Variants in GAS7 observed in about 807,000 individuals in gnomAD.
GAS7 encodes growth arrest-specific protein 7.
GAS7 carries 28 observed loss-of-function variants against 71.1 expected under a neutral mutation model. The observed-to-expected ratio is 0.39, with a 90% confidence interval of 0.29 to 0.54. GAS7 has a LOEUF of 0.54. Ranked by LOEUF, GAS7 falls within the 20% of genes least tolerant of loss-of-function variation. The pLI, the probability that GAS7 is intolerant of heterozygous loss-of-function variation, is 0.62. For missense variants in GAS7, 436 were observed against 627.8 expected, an observed-to-expected ratio of 0.69 and a Z score of 3.27; for synonymous variants, 258 against 245.8, an observed-to-expected ratio of 1.05 and a Z score of -0.46.
intron 6 of GAS7, 113 bp downstream of exon 6, chr17:9,946,781 G>A (rs1001820804): frequency 2.2e-5 from 14 of 643,168 alleles, no homozygotes; most frequent in African/African-American, 3.7e-5. Flanking sequence ...AGCCCTTCAC[G>A]CTCCAACGAG....
chr17:9,997,083 T>C (rs2071076678), intron 2 of GAS7, among the ~76,000 whole-genome samples: 1 of 151,990 alleles, frequency 6.6e-6, no homozygotes, highest in Admixed American at 6.6e-5. Context: ...TAGTTTAGCG[T>C]ATGGTAAAGA....
chr17:10,002,532 G>A (rs1264156472), intron 2 of GAS7, among the ~76,000 whole-genome samples: 2 of 152,046 alleles, frequency 1.3e-5, no homozygotes, highest in African/African-American at 4.8e-5. Context: ...TTTACATTAG[G>A]TATATCTCCT....
intron 1 of GAS7, chr17:10,039,616 G>C (rs2072823876): frequency 2.8e-6 from 1 of 362,642 alleles, no homozygotes; most frequent in Non-Finnish European, 5.5e-6. Flanking sequence ...CCGGGAGGCA[G>C]AGGTTGTAGT....
intron 2 of GAS7, among the ~76,000 whole-genome samples, chr17:10,000,086 A>T (rs78987679): frequency 0.034 from 5,161 of 152,294 alleles, 119 homozygotes; most frequent in East Asian, 0.072. Context: ...TCTGTTTCAT[A>T]GACTTGGTCT....
intron 1 of GAS7, among the ~76,000 whole-genome samples, chr17:10,032,057 G>A (rs1317344916): frequency 6.6e-6 from 1 of 150,558 alleles, no homozygotes; most frequent in African/African-American, 2.4e-5. Context: ...GAAATAACAA[G>A]GGAAGCAGGG....
At chr17:9,942,710 G>A (rs1002765224) in intron 7 of GAS7, among the ~76,000 whole-genome samples, 17 of 152,098 alleles carry the variant, frequency 1.1e-4, no homozygotes, top group Non-Finnish European at 1.9e-4. Flanking sequence ...AAGGAGTGAA[G>A]GAGTCTGCGG....
chr17:10,005,170 C>T (rs1242045185), intron 2 of GAS7, among the ~76,000 whole-genome samples: 4 of 150,726 alleles, frequency 2.7e-5, no homozygotes, highest in African/African-American at 4.9e-5. Flanking sequence ...TGTGCGCACG[C>T]ATGCATGTAT....
intron 1 of GAS7, among the ~76,000 whole-genome samples, chr17:10,132,270 T>TGTAA (rs1218824027): frequency 6.6e-6 from 1 of 151,494 alleles, no homozygotes; most frequent in Non-Finnish European, 1.5e-5. Flanking sequence ...CAGATTTACC[T>TGTAA]GATCTTTGCT....
chr17:10,020,614 A>G (rs9897224), intron 1 of GAS7, among the ~76,000 whole-genome samples: 3 of 151,566 alleles, frequency 2.0e-5, no homozygotes, highest in African/African-American at 7.3e-5. Flanking sequence ...ACAGATGCTA[A>G]AAAAAAAACA....
chr17:10,010,675 C>T (rs2071735337), intron 2 of GAS7, among the ~76,000 whole-genome samples: 1 of 152,220 alleles, frequency 6.6e-6, no homozygotes, highest in Non-Finnish European at 1.5e-5. Flanking sequence ...GCCTCACCTA[C>T]CTTAGACGTG....
chr17:10,011,377 T>C (rs2152189996), intron 2 of GAS7, among the ~76,000 whole-genome samples: 1 of 152,242 alleles, frequency 6.6e-6, no homozygotes, highest in East Asian at 1.9e-4. Context: ...GGGGAGGGGC[T>C]TGGCCAGTGT....
chr17:10,125,272 C>T (rs1250542703), intron 1 of GAS7, among the ~76,000 whole-genome samples: 2 of 152,030 alleles, frequency 1.3e-5, no homozygotes, highest in South Asian at 2.1e-4. Flanking sequence ...GATCCCAGCA[C>T]TTTGGGAGGC....
At chr17:10,185,936 T>C (rs2074448754) in intron 1 of GAS7, among the ~76,000 whole-genome samples, 1 of 147,814 alleles carries the variant, frequency 6.8e-6, no homozygotes, top group Non-Finnish European at 1.5e-5. Flanking sequence ...TTCAGACTAC[T>C]AAATCAGTCT....
At chr17:10,065,267 C>G (rs1026415065) in intron 1 of GAS7, among the ~76,000 whole-genome samples, 3 of 152,234 alleles carry the variant, frequency 2.0e-5, no homozygotes, top group Non-Finnish European at 4.4e-5. Flanking sequence ...TGTGGGTAAG[C>G]TTCTCTTCCA....
At chr17:9,978,817 A>G (rs566422045) in intron 3 of GAS7, among the ~76,000 whole-genome samples, 10 of 152,320 alleles carry the variant, frequency 6.6e-5, no homozygotes, top group South Asian at 2.1e-4. Context: ...TCTTGCTTCA[A>G]TGGGCCATGG....
chr17:10,111,443 G>T (rs1157501375), intron 1 of GAS7, among the ~76,000 whole-genome samples: 1 of 152,150 alleles, frequency 6.6e-6, no homozygotes, highest in Non-Finnish European at 1.5e-5. Context: ...TGAGGCAGGA[G>T]AATGGCATGA....
At chr17:10,116,892 G>T (rs1307467856) in intron 1 of GAS7, among the ~76,000 whole-genome samples, 2 of 152,006 alleles carry the variant, frequency 1.3e-5, no homozygotes, top group Admixed American at 6.6e-5. Flanking sequence ...AATGATGAGG[G>T]GGGGAAAAGA....
At chr17:9,944,242 G>A (rs921309763) in intron 6 of GAS7, among the ~76,000 whole-genome samples, 2 of 152,198 alleles carry the variant, frequency 1.3e-5, no homozygotes, top group African/African-American at 4.8e-5. Flanking sequence ...GGCCATCCCA[G>A]GCATGTCTAA....
chr17:10,049,663 C>A (rs1280597258), intron 1 of GAS7, among the ~76,000 whole-genome samples: 1 of 130,748 alleles, frequency 7.6e-6, no homozygotes, highest in Non-Finnish European at 1.6e-5. Context: ...CTCTGTCGCC[C>A]AGGCTGGAGT....
Sources: gnomAD v4.1 joint callset for allele counts (sites outside exome capture counted in the v4.1 genomes callset) on GRCh38, gnomAD v4.1.1 for gene constraint, MANE v1.5 for transcripts, NCBI Gene and HGNC (gene_info 2026-07-23, HGNC 2026-07-21) for gene names.